SIPA1L3: variants seen among roughly 807,000 people sequenced by gnomAD.
The protein encoded by SIPA1L3 is signal-induced proliferation-associated 1-like protein 3.
SIPA1L3 carries 59 observed loss-of-function variants against 150.1 expected under a neutral mutation model. That is an observed-to-expected ratio of 0.39 (90% CI 0.32 to 0.49). The LOEUF (loss-of-function observed/expected upper bound fraction) is 0.49, where lower values mean the gene tolerates loss of function less well. Among genes scored for constraint, SIPA1L3 ranks in the 20% least tolerant of loss-of-function variants. The pLI is 0.86. For missense variants in SIPA1L3, 2,211 were observed against 2,489.5 expected (o/e 0.89, Z 2.38); for synonymous variants, 1,070 against 1,077.6 (o/e 0.99, Z 0.14).
chr19:37,985,198 C>CT (rs1043071375), intron 1 of SIPA1L3, among the ~76,000 whole-genome samples: 3,513 of 141,232 alleles, frequency 0.025, 135 homozygotes, highest in African/African-American at 0.077. Context: ...TTGTTTTTTT[C>CT]TTTTTTTTTT....
chr19:38,024,959 AG>A (rs1214283127), intron 1 of SIPA1L3, among the ~76,000 whole-genome samples: 26 of 152,150 alleles, frequency 1.7e-4, no homozygotes, highest in African/African-American at 6.3e-4. Context: ...TATTCTCATC[AG>A]GAATTTACCC....
intron 1 of SIPA1L3, among the ~76,000 whole-genome samples, chr19:38,007,018 C>T (rs1333828517): frequency 6.6e-6 from 1 of 152,188 alleles, no homozygotes; most frequent in Non-Finnish European, 1.5e-5. Context: ...GTCTGTGGTG[C>T]TGCTAAGCAG....
chr19:37,960,698 C>T (rs1161022455), intron 1 of SIPA1L3, among the ~76,000 whole-genome samples: 2 of 151,104 alleles, frequency 1.3e-5, no homozygotes, highest in South Asian at 4.2e-4. Context: ...TGAGCCACTG[C>T]GCCCAGCCTC....
chr19:37,939,935 G>A (rs1488640523), intron 1 of SIPA1L3, among the ~76,000 whole-genome samples: 2 of 152,096 alleles, frequency 1.3e-5, no homozygotes, highest in Non-Finnish European at 2.9e-5. Flanking sequence ...CCCCACTTTT[G>A]GTTCTTTGAT....
intron 6 of SIPA1L3, among the ~76,000 whole-genome samples, chr19:38,104,683 C>T (rs548496555): frequency 1.3e-5 from 2 of 152,204 alleles, no homozygotes; most frequent in South Asian, 4.1e-4. Context: ...GGGACTCTCC[C>T]ACCTCAGCCT....
intron 1 of SIPA1L3, among the ~76,000 whole-genome samples, chr19:37,971,517 A>G (rs1725480): frequency 0.29 from 44,337 of 151,422 alleles, 8,023 homozygotes; most frequent in East Asian, 0.68. Flanking sequence ...ATAATGCAGT[A>G]TCCATTTCTG....
chr19:38,023,207 A>G (rs746283528), intron 1 of SIPA1L3, among the ~76,000 whole-genome samples: 6 of 152,206 alleles, frequency 3.9e-5, no homozygotes, highest in African/African-American at 1.4e-4. Flanking sequence ...CTGTGTGTTC[A>G]GAGCACCACA....
At chr19:38,008,690 G>A (rs1185546474) in intron 1 of SIPA1L3, among the ~76,000 whole-genome samples, 1 of 152,004 alleles carries the variant, frequency 6.6e-6, no homozygotes, top group Admixed American at 6.6e-5. Flanking sequence ...TTGAGTAGCT[G>A]TGACTACAGG....
rs111482267 is a variant in SIPA1L3 at position 38,083,458 on chromosome 19, T to G, written c.1534+359T>G. Reference sequence around the variant, plus strand: ...CTTCCTAGTACTTATAATGTTTTCATGGGTAACACAAACATAGAACAGGAT... The same window carrying G: ...CTTCCTAGTACTTATAATGTTTTCAGGGGTAACACAAACATAGAACAGGAT... On this transcript the variant is annotated intron_variant, in intron 3 of 21. Transcript: ENST00000222345. 7.2e-3 allele frequency among the ~76,000 whole-genome samples: 1,093 copies of G among 152,254 alleles called. 5 individuals carry two copies. Among genetic ancestry groups the G allele is most frequent in the Non-Finnish European group, 0.012 (842 of 68,024 alleles).
chr19:38,151,090 C>A (rs1971812451), intron 12 of SIPA1L3, among the ~76,000 whole-genome samples: 1 of 152,170 alleles, frequency 6.6e-6, no homozygotes, highest in African/African-American at 2.4e-5. Context: ...TACCTGCAGC[C>A]TGGTAGCAAC....
chr19:37,959,724 T>C (rs2046840451), intron 1 of SIPA1L3, among the ~76,000 whole-genome samples: 1 of 152,202 alleles, frequency 6.6e-6, no homozygotes, highest in South Asian at 2.1e-4. Context: ...CACATCTTTT[T>C]TCCTCCTTTT....
intron 7 of SIPA1L3, among the ~76,000 whole-genome samples, chr19:38,108,186 C>T (rs930628110): frequency 6.6e-6 from 1 of 152,064 alleles, no homozygotes; most frequent in Non-Finnish European, 1.5e-5. Flanking sequence ...CTGCGGCAAC[C>T]GGAGCGTGAC....
chr19:38,165,851 C>T (rs918910152), intron 15 of SIPA1L3, among the ~76,000 whole-genome samples: 5 of 152,224 alleles, frequency 3.3e-5, no homozygotes, highest in Non-Finnish European at 1.5e-5. Flanking sequence ...CACCCTCTAC[C>T]TCCCAGGTTC....
intron 2 of SIPA1L3, among the ~76,000 whole-genome samples, chr19:38,078,437 T>C (rs893599040): frequency 1.8e-5 from 2 of 113,276 alleles, no homozygotes; most frequent in Non-Finnish European, 3.4e-5. Context: ...TGCGCATACA[T>C]GCACACACAC....
At chr19:38,195,660 T>C (rs894466767) in intron 18 of SIPA1L3, among the ~76,000 whole-genome samples, 3 of 152,064 alleles carry the variant, frequency 2.0e-5, no homozygotes, top group African/African-American at 7.2e-5. Context: ...AACACAGGCA[T>C]AGACTCCACA....
chr19:38,163,388 G>T (rs1972134661), intron 14 of SIPA1L3, among the ~76,000 whole-genome samples: 1 of 151,542 alleles, frequency 6.6e-6, no homozygotes, highest in African/African-American at 2.4e-5. Flanking sequence ...TCCTTGGGAG[G>T]CTGAGGCACA....
chr19:38,055,633 A>G (rs1048400828), intron 2 of SIPA1L3, among the ~76,000 whole-genome samples: 13 of 152,226 alleles, frequency 8.5e-5, no homozygotes, highest in Non-Finnish European at 1.6e-4. Flanking sequence ...TCAAGGAATC[A>G]GAAGAGGATG....
intron 8 of SIPA1L3, among the ~76,000 whole-genome samples, chr19:38,118,652 G>C (rs1005320333): frequency 6.6e-6 from 1 of 151,562 alleles, no homozygotes; most frequent in Non-Finnish European, 1.5e-5. Flanking sequence ...TCCTGTCTCA[G>C]CCTCCCAAGT....
intron 5 of SIPA1L3, among the ~76,000 whole-genome samples, chr19:38,100,816 C>T (rs577207737): frequency 1.6e-4 from 25 of 152,234 alleles, no homozygotes; most frequent in Non-Finnish European, 3.4e-4. Flanking sequence ...CCCGCCATAG[C>T]GAGAAGAGGC....
Sources: allele counts gnomAD v4.1 joint callset (sites outside exome capture counted in the v4.1 genomes callset), GRCh38; gene constraint gnomAD v4.1.1; transcripts MANE v1.5; gene names NCBI Gene and HGNC (gene_info 2026-07-23, HGNC 2026-07-21).